Variants in IVD observed in about 807,000 individuals in gnomAD.
The protein encoded by IVD is isovaleryl-CoA dehydrogenase, mitochondrial.
A neutral mutation model predicts 51.3 loss-of-function variants in IVD; 31 were observed. The observed-to-expected ratio is 0.60, with a 90% CI of 0.45 to 0.81. The LOEUF is 0.81. Ranked by LOEUF, IVD falls within the 40% of genes least tolerant of loss-of-function variation. The probability of loss-of-function intolerance (pLI) is 0.00; values close to 1 mark genes in which losing one functional copy is unlikely to be tolerated. For synonymous variants in IVD, 205 were observed against 219.4 expected, an observed-to-expected ratio of 0.93 and a Z score of 0.58; for missense variants, 475 against 552.0, an observed-to-expected ratio of 0.86 and a Z score of 1.40.
rs565332650 is a variant in IVD, at chr15:40,418,066, T to C, written c.1139-64T>C. ...GTGGCCTGTTTCTATATACTTGGCATTCTGTTTGCTTTCTTTGTTTTGTCA... is the reference window on the plus strand; with the variant it reads ...GTGGCCTGTTTCTATATACTTGGCACTCTGTTTGCTTTCTTTGTTTTGTCA... On this transcript the variant is annotated intron_variant, in intron 11 of 11. Coordinates refer to ENST00000487418, the MANE Select transcript of IVD (RefSeq NM_002225.5). 1.3e-5 allele frequency: 21 copies of C among 1,604,936 alleles called. No individual in the cohort carries two copies. The East Asian group carries it at 4.5e-4, about 34-fold the overall frequency.
At chr15:40,410,330 T>A (rs1890929400) in intron 3 of IVD, among the ~76,000 whole-genome samples, 1 of 152,236 alleles carries the variant, frequency 6.6e-6, no homozygotes, top group African/African-American at 2.4e-5. Context: ...TGTAACTTTC[T>A]GAGTAGTGGG....
At chr15:40,410,946 T>A in intron 4 of IVD, 149 bp downstream of exon 4, 2 of 991,762 alleles carry the variant, frequency 2.0e-6, no homozygotes, top group Non-Finnish European at 1.5e-6. Flanking sequence ...TGGATTGCTT[T>A]AAAATACTTG....
chr15:40,406,962 C>T (rs1187983696), intron 1 of IVD, among the ~76,000 whole-genome samples: 3 of 151,510 alleles, frequency 2.0e-5, no homozygotes, highest in Non-Finnish European at 4.4e-5. Flanking sequence ...CTCCCGGGTT[C>T]AAGTGATTCT....
downstream of IVD, among the ~76,000 whole-genome samples, chr15:40,426,910 C>T (rs775698288): frequency 7.9e-5 from 12 of 152,272 alleles, no homozygotes; most frequent in Admixed American, 3.3e-4. Context: ...ATGCACTGGG[C>T]GACGGGCTGG....
Position 40,420,647 on chromosome 15 carries a change from G to A in IVD, c.*2384G>A. 1.0e-6 allele frequency: 1 copy of A among 987,518 alleles called. No homozygotes were observed. Among genetic ancestry groups the A allele is most frequent in the Non-Finnish European group, 1.2e-6 (1 of 830,112 alleles). The allele number at this position is 987,518 out of a possible 1,614,324, so 61.2% of individuals were successfully genotyped here. A position where few individuals can be genotyped will look rare whatever the true frequency, so the allele number is the denominator to read the frequency against. ...TCCCAGTGAGTTTTAAAGGAAGCAG[G>A]GAGCCCAGAGTGCTAAGTTCTTACA... On this transcript the variant is annotated 3_prime_UTR_variant, in exon 12 of 12. Transcript: ENST00000487418.
chr15:40,421,786 A>G (rs1175142832), downstream of IVD, among the ~76,000 whole-genome samples: 1 of 152,178 alleles, frequency 6.6e-6, no homozygotes, highest in African/African-American at 2.4e-5. Context: ...GAGATCCTTG[A>G]TCTTTGCACA....
intron 10 of IVD, 45 bp from the exon 11 acceptor site, chr15:40,416,245 C>T (rs1352157846): frequency 1.2e-6 from 2 of 1,612,802 alleles, no homozygotes; most frequent in Non-Finnish European, 1.7e-6. Context: ...GACTTGCTGT[C>T]TGCGTGCCTC....
At position 40,418,880 on chromosome 15, in the gene IVD, C is replaced by A; in HGVS notation, c.*617C>A. 1 of 650,900 alleles carries A rather than the reference C, an allele frequency of 1.5e-6. No individual in the cohort carries two copies. Among genetic ancestry groups the A allele is most frequent in the Non-Finnish European group, 2.1e-6 (1 of 471,118 alleles). 40.3% of individuals were successfully genotyped at this position (650,900 alleles called of 1,614,324 possible). On this transcript the variant is annotated 3_prime_UTR_variant, in exon 12 of 12. Transcript: ENST00000487418. ...AGGCGTGGTGGCTCATGCTTGTAAT[C>A]CCAGCACTTCAGGAGGCTGAGATGG... is the stretch of plus-strand genomic sequence containing the variant.
rs1307250414 is a variant in IVD at position 40,420,744 on chromosome 15, C to A, written c.*2481C>A. ...AAAAAGATCAACACAATTTGACTTT[C>A]TCAAGGTCAAAACGAACTAGAATCC... On this transcript the variant is annotated 3_prime_UTR_variant, in exon 12 of 12. Coordinates refer to ENST00000487418, the MANE Select transcript of IVD (RefSeq NM_002225.5). 1.0e-6 allele frequency: 1 copy of A among 985,640 alleles called. No individual in the cohort carries two copies. Among genetic ancestry groups the A allele is most frequent in the African/African-American group, 1.7e-5 (1 of 57,232 alleles). The allele number at this position is 985,640 out of a possible 1,614,324, so 61.1% of individuals were successfully genotyped here.
Position 40,418,782 on chromosome 15 carries a change from A to G in IVD, c.*519A>G, listed in dbSNP as rs1296797392. On this transcript the variant is annotated 3_prime_UTR_variant, in exon 12 of 12. Transcript: ENST00000487418. ...GAAATCTGAAACACTTGTGGTTCCA[A>G]GCATTTTGGATAAGGCAAATTCAAC... The G allele has an allele frequency of 8.2e-6, 9 of 1,093,298 alleles. No individual in the cohort carries two copies. The highest frequency in any genetic ancestry group is 1.0e-5 in the Non-Finnish European group (9 of 892,914). The allele number at this position is 1,093,298 out of a possible 1,614,324, so 67.7% of individuals were successfully genotyped here.
intron 7 of IVD, among the ~76,000 whole-genome samples, chr15:40,430,882 G>A (rs999910086): frequency 5.3e-5 from 8 of 152,190 alleles, no homozygotes; most frequent in Non-Finnish European, 1.0e-4. Flanking sequence ...TAACGGCTTT[G>A]CCAAAGGAAT....
At chr15:40,417,208 A>G (rs1451324963) in intron 11 of IVD, among the ~76,000 whole-genome samples, 14 of 141,086 alleles carry the variant, frequency 9.9e-5, no homozygotes, top group African/African-American at 3.8e-4. Flanking sequence ...CCGTCTCGGA[A>G]AAAAAAAAAA....
downstream of IVD, among the ~76,000 whole-genome samples, chr15:40,421,634 C>T (rs904089436): frequency 6.6e-6 from 1 of 152,224 alleles, no homozygotes; most frequent in Non-Finnish European, 1.5e-5. Context: ...CTAATCACAT[C>T]CCCAAGGGTG....
At chr15:40,425,440 CTA>C (rs72252183), downstream of IVD, among the ~76,000 whole-genome samples, 2,402 of 137,764 alleles carry the variant, frequency 0.017, 111 homozygotes, top group African/African-American at 0.068. Flanking sequence ...TGGACTCATA[CTA>C]TATATATATA....
At chr15:40,417,984 CCACA>C in intron 11 of IVD, 142 bp from the exon 12 acceptor site, 1 of 1,151,400 alleles carries the variant, frequency 8.7e-7, no homozygotes, top group Non-Finnish European at 1.2e-6. Flanking sequence ...AGTGTATTCC[CCACA>C]CCCCTCCCTC....
rs755693286 is a variant in IVD, at chr15:40,418,213, G to T, written c.1222G>T (p.Glu408Ter). Reference protein sequence around the residue: ...KLYEIGAGTSEVRRLVIGRAF... With the variant: ...KLYEIGAGTS ...GTATGAGATAGGGGCTGGGACCAGC[G>T]AGGTGAGGCGGCTGGTCATCGGCAG... Residue 408 changes from glutamate (E) to a stop codon, truncating the protein, a stop_gained, in exon 12 of 12, where the codon GAG (glutamate) becomes TAG (stop). Coordinates refer to ENST00000487418, the MANE Select transcript of IVD (RefSeq NM_002225.5). LOFTEE classifies it high-confidence loss of function. The T allele has an allele frequency of 6.2e-7, 1 of 1,614,216 alleles. No individual in the cohort carries two copies. The highest frequency in any genetic ancestry group is 8.5e-7 in the Non-Finnish European group (1 of 1,180,052).
At chr15:40,410,233 T>A (rs535695869) in intron 3 of IVD, among the ~76,000 whole-genome samples, 1 of 152,232 alleles carries the variant, frequency 6.6e-6, no homozygotes, top group Non-Finnish European at 1.5e-5. Context: ...GTATCTGTTC[T>A]TGGTGCTTTG....
In IVD at chr15:40,419,018, C is replaced by T; in HGVS notation, c.*755C>T. ...GGCATGGTGGTGGGCACCTGTAATC[C>T]CAGCTACTTCAGGAGGCTGAGGCAG... is the stretch of plus-strand genomic sequence containing the variant. On this transcript the variant is annotated 3_prime_UTR_variant, in exon 12 of 12. Coordinates refer to ENST00000487418, the MANE Select transcript of IVD (RefSeq NM_002225.5). The T allele has an allele frequency of 1.6e-6, 1 of 607,890 alleles. No individual in the cohort carries two copies. Among genetic ancestry groups the T allele is most frequent in the Admixed American group, 3.1e-5 (1 of 31,762 alleles). 37.7% of individuals were successfully genotyped at this position (607,890 alleles called of 1,614,324 possible).
chr15:40,409,666 G>C (rs1031396585), intron 3 of IVD, among the ~76,000 whole-genome samples: 9 of 152,086 alleles, frequency 5.9e-5, no homozygotes, highest in African/African-American at 2.2e-4. Context: ...GTGGTATCAG[G>C]TGTCTCAGCC....
Sources: allele counts gnomAD v4.1 joint callset (sites outside exome capture counted in the v4.1 genomes callset), GRCh38; gene constraint gnomAD v4.1.1; transcripts MANE v1.5; gene names NCBI Gene and HGNC (gene_info 2026-07-23, HGNC 2026-07-21).